Variants in LRBA observed in about 807,000 individuals in gnomAD.
LRBA encodes LPS responsive beige-like anchor protein.
In LRBA, 176 loss-of-function variants were observed where a neutral mutation model predicts 330.0. The ratio of observed to expected loss-of-function variants is 0.53; its 90% CI spans 0.47 to 0.60. The LOEUF (loss-of-function observed/expected upper bound fraction) is 0.60. LRBA is among the 20% of genes least tolerant of loss of function. LRBA has a pLI of 0.00. For synonymous variants in LRBA, 1,230 were observed against 1,193.0 expected, an observed-to-expected ratio of 1.03 and a Z score of -0.64; for missense variants, 3,259 against 3,444.8, an observed-to-expected ratio of 0.95 and a Z score of 1.35.
At chr4:150,799,422 C>A (rs1056305033) in intron 33 of LRBA, among the ~76,000 whole-genome samples, 2 of 152,110 alleles carry the variant, frequency 1.3e-5, no homozygotes, top group Non-Finnish European at 2.9e-5. Context: ...CAGGTGTAGC[C>A]CTCTGCTGGT....
At chr4:151,005,838 C>A (rs965012150) in intron 2 of LRBA, among the ~76,000 whole-genome samples, 2 of 151,970 alleles carry the variant, frequency 1.3e-5, no homozygotes, top group African/African-American at 4.8e-5. Context: ...CAGGTGATCC[C>A]ACCCACCTCG....
intron 17 of LRBA, among the ~76,000 whole-genome samples, chr4:150,874,506 C>A (rs535182573): frequency 6.6e-6 from 1 of 152,280 alleles, no homozygotes; most frequent in African/African-American, 2.4e-5. Flanking sequence ...GTACTCTACC[C>A]CGTCGCAGGC....
intron 44 of LRBA, among the ~76,000 whole-genome samples, chr4:150,460,856 T>C (rs141139472): frequency 3.1e-3 from 470 of 152,002 alleles, no homozygotes; most frequent in Non-Finnish European, 5.0e-3. Flanking sequence ...ATTTGCTTTA[T>C]CTTGGCCATT....
chr4:150,939,263 A>G (rs1226458135), intron 2 of LRBA, among the ~76,000 whole-genome samples: 1 of 152,238 alleles, frequency 6.6e-6, no homozygotes, highest in Non-Finnish European at 1.5e-5. Context: ...CTACAGATGT[A>G]ATTAGTTAAG....
chr4:150,680,248 A>C (rs1199565946), intron 37 of LRBA, among the ~76,000 whole-genome samples: 1 of 152,170 alleles, frequency 6.6e-6, no homozygotes, highest in Non-Finnish European at 1.5e-5. Flanking sequence ...TGAAATCTCT[A>C]AGCATTTGAA....
At chr4:150,905,815 A>G in intron 13 of LRBA, 23 bp downstream of exon 13, 1 of 1,553,798 alleles carries the variant, frequency 6.4e-7, no homozygotes, top group African/African-American at 1.4e-5. Flanking sequence ...GTAAAACAAT[A>G]TCAATATATA....
intron 35 of LRBA, among the ~76,000 whole-genome samples, chr4:150,761,464 C>A (rs1436841206): frequency 6.6e-6 from 1 of 152,034 alleles, no homozygotes; most frequent in Admixed American, 6.6e-5. Context: ...TGGCTCTACA[C>A]ACATAAAATA....
At chr4:150,470,039 CG>C (rs200825874) in intron 43 of LRBA, among the ~76,000 whole-genome samples, 2,711 of 152,060 alleles carry the variant, frequency 0.018, 87 homozygotes, top group African/African-American at 0.06. Flanking sequence ...AAAAATTAGC[CG>C]GGTGTGGTGG....
rs1029332846 is a variant in LRBA at position 150,415,473 on chromosome 4, T to G, written c.7159A>C (p.Lys2387Gln). ...ATGTGAACAAATTCTTCTGAGGTTTTGGCCCAAGGAGGAAGTTCGACATCA... is the reference window on the plus strand; with the variant it reads ...ATGTGAACAAATTCTTCTGAGGTTTGGGCCCAAGGAGGAAGTTCGACATCA... ...VSDVELPPWA[K>Q]TSEEFVHINR... Residue 2387 changes from lysine to glutamine, a missense_variant, in exon 47 of 57, where the codon AAA becomes CAA. Lys to Gln is a moderately conservative substitution (Grantham distance 53). Coordinates refer to ENST00000651943, the MANE Select transcript of LRBA (RefSeq NM_001364905.1). 6.2e-7 allele frequency: 1 copy of G among 1,613,712 alleles called. No homozygotes were observed.
At position 150,565,701 on chromosome 4, in the gene LRBA, T is replaced by C. The variant is rs975330285; in HGVS notation, c.6330+22347A>G. 7.2e-5 allele frequency among the ~76,000 whole-genome samples: 11 copies of C among 152,198 alleles called. No homozygotes were observed. The East Asian group carries it at 1.2e-3, about 16-fold the overall frequency. On this transcript the variant is annotated intron_variant, in intron 40 of 56. Coordinates refer to ENST00000651943, the MANE Select transcript of LRBA (RefSeq NM_001364905.1). Reference sequence around the variant, plus strand: ...ACAATGGAATCCTGACTTACTTCTTTAACACATAAAACACTTAATAAAATG... The same window carrying C: ...ACAATGGAATCCTGACTTACTTCTTCAACACATAAAACACTTAATAAAATG...
rs115176379 is a variant in LRBA at position 150,574,735 on chromosome 4, T to C, written c.6330+13313A>G. Among the ~76,000 whole-genome samples the C allele has an allele frequency of 2.7e-3, 405 of 152,156 alleles. 1 individual carries two copies. Among genetic ancestry groups the C allele is most frequent in the African/African-American group, 9.3e-3 (388 of 41,552 alleles). ...TTGATTAGCAGAAAAGATTAGATTA[T>C]TCGTAGAGCATTTAACCAAAAAGTT... is the stretch of plus-strand genomic sequence containing the variant. On this transcript the variant is annotated intron_variant, in intron 40 of 56. Transcript: ENST00000651943.
intron 2 of LRBA, among the ~76,000 whole-genome samples, chr4:150,984,830 A>T (rs540107192): frequency 6.6e-6 from 1 of 152,234 alleles, no homozygotes; most frequent in Admixed American, 6.5e-5. Context: ...AAAGGAAAAA[A>T]GTAAATGGAA....
Position 150,321,035 on chromosome 4 carries a change from C to A in LRBA, c.7630+156G>T, listed in dbSNP as rs971712090. 6.6e-6 allele frequency among the ~76,000 whole-genome samples: 1 copy of A among 152,042 alleles called. No individual in the cohort carries two copies. The highest frequency in any genetic ancestry group is 1.5e-5 in the Non-Finnish European group (1 of 68,006). ...TTTAACATTTGTACTATATGCCTCA[C>A]GTGGGCCTTTTTTAAGCCTTTCAAA... On this transcript the variant is annotated intron_variant, in intron 50 of 56. Transcript: ENST00000651943. The surrounding 1 kb of genome is among the most constrained non-coding windows in gnomAD (Gnocchi z 4.5).
At chr4:150,506,530 C>A (rs1581523233) in intron 40 of LRBA, among the ~76,000 whole-genome samples, 2 of 152,156 alleles carry the variant, frequency 1.3e-5, no homozygotes, top group South Asian at 4.1e-4. Context: ...TTCAACAACC[C>A]TTCATGCTAA....
At chr4:150,694,389 TGAA>T (rs1359661765) in intron 36 of LRBA, among the ~76,000 whole-genome samples, 1 of 147,954 alleles carries the variant, frequency 6.8e-6, no homozygotes, top group South Asian at 2.1e-4. Flanking sequence ...GGACAATAAA[TGAA>T]GAAGTTTCTC....
At chr4:150,704,144 T>C (rs1785384627) in intron 36 of LRBA, among the ~76,000 whole-genome samples, 1 of 152,016 alleles carries the variant, frequency 6.6e-6, no homozygotes, top group East Asian at 1.9e-4. Flanking sequence ...GGCCCAGGGG[T>C]TTGAGGCTGC....
At chr4:150,665,721 A>G (rs1417183123) in intron 37 of LRBA, among the ~76,000 whole-genome samples, 2 of 152,166 alleles carry the variant, frequency 1.3e-5, no homozygotes, top group Non-Finnish European at 2.9e-5. Flanking sequence ...TGTTATATGC[A>G]CCAGTAATTT....
chr4:150,377,176 T>C (rs1225485576), intron 47 of LRBA, among the ~76,000 whole-genome samples: 1 of 151,176 alleles, frequency 6.6e-6, no homozygotes, highest in African/African-American at 2.4e-5. Context: ...AGTCTTGACT[T>C]GGGCTTAGGA....
intron 2 of LRBA, among the ~76,000 whole-genome samples, chr4:150,931,627 G>T (rs368200246): frequency 6.6e-6 from 1 of 151,118 alleles, no homozygotes; most frequent in Non-Finnish European, 1.5e-5. Flanking sequence ...AATTACCCAG[G>T]TATGGTGGTG....
Sources: allele counts gnomAD v4.1 joint callset (sites outside exome capture counted in the v4.1 genomes callset), GRCh38; gene constraint gnomAD v4.1.1; non-coding constraint Gnocchi (gnomAD v3.1); transcripts MANE v1.5; gene names NCBI Gene and HGNC (gene_info 2026-07-23, HGNC 2026-07-21).